CAPZB: variants seen among roughly 807,000 people sequenced by gnomAD.
CAPZB encodes the protein capping actin protein of muscle Z-line subunit beta.
Under a neutral mutation model 38.1 loss-of-function variants are expected in CAPZB, and 2 were observed. The observed-to-expected ratio is 0.05, with a 90% confidence interval of 0.02 to 0.17. The LOEUF is 0.17. Ranked by LOEUF, CAPZB falls within the 10% of genes least tolerant of loss-of-function variation. CAPZB has a pLI of 1.00. For synonymous variants in CAPZB, 107 were observed against 127.4 expected, an observed-to-expected ratio of 0.84 and a Z score of 1.08; for missense variants, 161 against 334.2, an observed-to-expected ratio of 0.48 and a Z score of 4.04.
At position 19,357,372 on chromosome 1, in the gene CAPZB, G is replaced by A. The variant is rs2094027468; in HGVS notation, c.471+50C>T. 1.3e-6 allele frequency: 2 copies of A among 1,584,428 alleles called. No homozygotes were observed. Among genetic ancestry groups the A allele is most frequent in the African/African-American group, 2.7e-5 (2 of 74,318 alleles). On this transcript the variant is annotated intron_variant, in intron 5 of 8. Transcript: ENST00000264202. The surrounding 1 kb of genome is among the most constrained non-coding windows in gnomAD (Gnocchi z 4.3). ...AGAGAGCAGCGCGGCACTGGTTGGT[G>A]TGCCATCTGTACTTAGTGGCCCGGG...
chr1:19,446,314 AG>A (rs959659364), intron 1 of CAPZB, among the ~76,000 whole-genome samples: 11 of 152,218 alleles, frequency 7.2e-5, no homozygotes, highest in African/African-American at 2.4e-4. Flanking sequence ...ACAACATGTT[AG>A]TCCCTGGAAG....
Position 19,345,172 on chromosome 1 carries a change from G to T in CAPZB, c.654+15C>A. The T allele has an allele frequency of 6.2e-7, 1 of 1,610,828 alleles. No individual in the cohort carries two copies. On this transcript the variant is annotated intron_variant, in intron 7 of 8. Coordinates refer to ENST00000264202, the MANE Select transcript of CAPZB (RefSeq NM_004930.5). ...TGGGTCACTGCAGGAGCCAGCCAGA[G>T]CCCAGGTCACTCACCTCTACCAGGC... is the stretch of plus-strand genomic sequence containing the variant.
At chr1:19,417,833 A>G (rs1376242005) in intron 2 of CAPZB, among the ~76,000 whole-genome samples, 1 of 152,164 alleles carries the variant, frequency 6.6e-6, no homozygotes, top group Non-Finnish European at 1.5e-5. Context: ...GTGCAGCCCA[A>G]TGTTTAAAAA....
intron 1 of CAPZB, among the ~76,000 whole-genome samples, chr1:19,455,050 G>A (rs777586118): frequency 5.9e-5 from 9 of 152,218 alleles, no homozygotes; most frequent in South Asian, 2.1e-4. Flanking sequence ...GCCAGGATGC[G>A]GAGGGCCCGG....
chr1:19,396,706 C>T (rs1237467756), intron 2 of CAPZB, among the ~76,000 whole-genome samples: 5 of 150,854 alleles, frequency 3.3e-5, no homozygotes, highest in Non-Finnish European at 5.9e-5. Flanking sequence ...TTTGGGAGGC[C>T]GAGGCAGGAG....
chr1:19,485,156 G>T (rs899160655), intron 1 of CAPZB, among the ~76,000 whole-genome samples: 3 of 152,196 alleles, frequency 2.0e-5, no homozygotes, highest in Non-Finnish European at 4.4e-5. Flanking sequence ...GTCTAGCCTG[G>T]GCTATGGGAG....
intron 2 of CAPZB, among the ~76,000 whole-genome samples, chr1:19,411,113 G>A (rs111629617): frequency 6.6e-6 from 1 of 152,318 alleles, no homozygotes; most frequent in African/African-American, 2.4e-5. Flanking sequence ...GGAGGCCAAG[G>A]TGGAAGGACT....
intron 1 of CAPZB, among the ~76,000 whole-genome samples, chr1:19,466,087 G>C (rs1343551521): frequency 2.0e-5 from 3 of 152,192 alleles, no homozygotes; most frequent in African/African-American, 4.8e-5. Context: ...CCATGACCAA[G>C]GACAACCCTT....
At chr1:19,410,587 G>A (rs2094353315) in intron 2 of CAPZB, among the ~76,000 whole-genome samples, 1 of 152,156 alleles carries the variant, frequency 6.6e-6, no homozygotes, top group African/African-American at 2.4e-5. Flanking sequence ...GGGAGCGGCG[G>A]CTCCTCTGCT....
intron 1 of CAPZB, among the ~76,000 whole-genome samples, chr1:19,440,938 T>C (rs1434239386): frequency 1.3e-5 from 2 of 152,244 alleles, no homozygotes; most frequent in African/African-American, 4.8e-5. Flanking sequence ...CGGGTGCCTG[T>C]GGTCCCAGCT....
At chr1:19,412,443 AT>A (rs2094361219) in intron 2 of CAPZB, among the ~76,000 whole-genome samples, 1 of 152,152 alleles carries the variant, frequency 6.6e-6, no homozygotes, top group Non-Finnish European at 1.5e-5. Context: ...TTGGAATACA[AT>A]TTATTTTTTA....
intron 1 of CAPZB, among the ~76,000 whole-genome samples, chr1:19,449,620 T>G (rs911985211): frequency 1.3e-5 from 2 of 151,984 alleles, no homozygotes; most frequent in Admixed American, 1.3e-4. Flanking sequence ...AAACTCTGTC[T>G]CTACTAAAAA....
chr1:19,472,469 C>T (rs2094592245), intron 1 of CAPZB, among the ~76,000 whole-genome samples: 1 of 152,152 alleles, frequency 6.6e-6, no homozygotes, highest in South Asian at 2.1e-4. Context: ...CCAGCTGGTC[C>T]TGAGTGTGAA....
intron 2 of CAPZB, among the ~76,000 whole-genome samples, chr1:19,397,751 C>T (rs1268759965): frequency 6.6e-6 from 1 of 152,172 alleles, no homozygotes; most frequent in Non-Finnish European, 1.5e-5. Flanking sequence ...ACATGTGTGC[C>T]AAATGTCCAC....
intron 2 of CAPZB, among the ~76,000 whole-genome samples, chr1:19,389,910 C>A (rs11811765): frequency 1.3e-5 from 2 of 152,206 alleles, no homozygotes; most frequent in Non-Finnish European, 2.9e-5. Context: ...TGTTCTAATA[C>A]TGCCAATGAC....
intron 2 of CAPZB, among the ~76,000 whole-genome samples, chr1:19,411,696 C>T (rs4244002): frequency 0.28 from 43,238 of 152,114 alleles, 6,395 homozygotes; most frequent in East Asian, 0.47. Flanking sequence ...GGAACCATTA[C>T]GCTGCATGTA....
intron 3 of CAPZB, among the ~76,000 whole-genome samples, chr1:19,379,462 T>C (rs1382676293): frequency 6.6e-6 from 1 of 152,204 alleles, no homozygotes; most frequent in Non-Finnish European, 1.5e-5. Flanking sequence ...CTGGAGGCTC[T>C]ACATAAACTT....
intron 1 of CAPZB, chr1:19,484,574 G>A (rs2094644048): frequency 2.4e-6 from 3 of 1,248,290 alleles, no homozygotes; most frequent in Middle Eastern, 3.4e-4. Context: ...CGGCAACTGA[G>A]AAGGCACAGC....
At chr1:19,455,523 C>T (rs1043148343) in intron 1 of CAPZB, among the ~76,000 whole-genome samples, 4 of 152,204 alleles carry the variant, frequency 2.6e-5, no homozygotes, top group Non-Finnish European at 5.9e-5. Flanking sequence ...TCCTGTCACA[C>T]GCTAGTGGTT....
Sources: gnomAD v4.1 joint callset for allele counts (sites outside exome capture counted in the v4.1 genomes callset) on GRCh38, gnomAD v4.1.1 for gene constraint, Gnocchi (gnomAD v3.1) non-coding constraint, MANE v1.5 for transcripts, NCBI Gene and HGNC (gene_info 2026-07-23, HGNC 2026-07-21) for gene names.